Variants in ZSCAN5A observed in about 807,000 individuals in gnomAD.
ZSCAN5A encodes zinc finger and SCAN domain containing 5A.
In ZSCAN5A, 12 loss-of-function variants were observed where a neutral mutation model predicts 23.7. The observed-to-expected ratio is 0.51, with a 90% CI of 0.32 to 0.82. The LOEUF (loss-of-function observed/expected upper bound fraction) is 0.82, where lower values mean the gene tolerates loss of function less well. Ranked by LOEUF, ZSCAN5A falls within the 40% of genes least tolerant of loss-of-function variation. ZSCAN5A has a pLI of 0.03. For synonymous variants in ZSCAN5A, 257 were observed against 239.9 expected (o/e 1.07, Z -0.66); for missense variants, 597 against 617.9 (o/e 0.97, Z 0.36).
At chr19:56,266,719 T>G (rs1010556218) in intron 2 of ZSCAN5A, 1 of 152,238 alleles carries the variant, frequency 6.6e-6, no homozygotes, top group East Asian at 1.9e-4. Flanking sequence ...GACCTCGTGA[T>G]CCACCTGCCT....
At chr19:56,222,828 C>T (rs2033427280) in intron 4 of ZSCAN5A, 87 bp from the exon 5 acceptor site, 1 of 1,580,590 alleles carries the variant, frequency 6.3e-7, no homozygotes, top group African/African-American at 1.4e-5. Flanking sequence ...TTGGATGCAA[C>T]AACTCTTCTA....
chr19:56,344,936 G>GAAA (rs1279523315), intron 2 of ZSCAN5A, among the ~76,000 whole-genome samples: 3 of 91,420 alleles, frequency 3.3e-5, no homozygotes, highest in Non-Finnish European at 6.6e-5. Flanking sequence ...AAAAAAAAAA[G>GAAA]AAAAAAAAGA....
chr19:56,333,774 C>G (rs1199177249), intron 2 of ZSCAN5A, among the ~76,000 whole-genome samples: 1 of 151,846 alleles, frequency 6.6e-6, no homozygotes, highest in Non-Finnish European at 1.5e-5. Context: ...GTCCATAGGG[C>G]TATAAAAGCA....
intron 2 of ZSCAN5A, among the ~76,000 whole-genome samples, chr19:56,355,028 C>T (rs1230932451): frequency 6.6e-6 from 1 of 152,176 alleles, no homozygotes; most frequent in Non-Finnish European, 1.5e-5. Context: ...AGCATCTTAG[C>T]TGTAAACCAG....
chr19:56,277,664 T>C (rs998352439), intron 2 of ZSCAN5A, among the ~76,000 whole-genome samples: 2 of 152,060 alleles, frequency 1.3e-5, no homozygotes, highest in African/African-American at 4.8e-5. Flanking sequence ...AATGGGTGAA[T>C]TGCATGGTAT....
At chr19:56,295,312 G>A (rs2039793108) in intron 2 of ZSCAN5A, among the ~76,000 whole-genome samples, 1 of 152,100 alleles carries the variant, frequency 6.6e-6, no homozygotes, top group African/African-American at 2.4e-5. Context: ...ATGGAAAAAA[G>A]GCCTGGCATG....
intron 2 of ZSCAN5A, among the ~76,000 whole-genome samples, chr19:56,291,465 C>CT (rs2039504926): frequency 6.6e-6 from 1 of 152,140 alleles, no homozygotes; most frequent in Admixed American, 6.5e-5. Context: ...CTTTATTTCT[C>CT]TTTTTTGGGA....
intron 2 of ZSCAN5A, chr19:56,302,159 G>C: frequency 8.5e-7 from 1 of 1,180,164 alleles, no homozygotes; most frequent in Non-Finnish European, 1.1e-6. Flanking sequence ...AGGGAAGTGG[G>C]GGCACAGAGG....
intron 2 of ZSCAN5A, among the ~76,000 whole-genome samples, chr19:56,268,476 A>G (rs1013636385): frequency 6.6e-6 from 1 of 152,180 alleles, no homozygotes; most frequent in Non-Finnish European, 1.5e-5. Context: ...TTTTAAATTT[A>G]GTTACTTTTA....
At chr19:56,262,220 T>C (rs2146869604) in intron 2 of ZSCAN5A, among the ~76,000 whole-genome samples, 1 of 152,234 alleles carries the variant, frequency 6.6e-6, no homozygotes, top group South Asian at 2.1e-4. Flanking sequence ...GGTTTCACCA[T>C]GTTGGCCAGG....
chr19:56,322,269 C>A lies in ZSCAN5A; in HGVS notation c.-357-6001G>T, dbSNP rs537905645. ...CCTAAAACAGTTGCAAGAGCACCTC[C>A]TTCAACAAGAATTGTCCCTTTCACT... On this transcript the variant is annotated intron_variant, in intron 2 of 6. Transcript: ENST00000587340. 11 of 1,142,190 alleles carry A rather than the reference C, an allele frequency of 9.6e-6. No individual in the cohort carries two copies. The African/African-American group carries it at 1.7e-4, about 17-fold the overall frequency. 70.8% of individuals were successfully genotyped at this position (1,142,190 alleles called of 1,614,324 possible).
At chr19:56,324,328 T>C (rs1299563475) in intron 2 of ZSCAN5A, among the ~76,000 whole-genome samples, 1 of 152,344 alleles carries the variant, frequency 6.6e-6, no homozygotes, top group East Asian at 1.9e-4. Flanking sequence ...TGAATAATAT[T>C]CCATTGTGTA....
chr19:56,243,674 GA>G lies in ZSCAN5A; in HGVS notation c.-127-18502del, dbSNP rs74540456. Among the ~76,000 whole-genome samples the G allele has an allele frequency of 6.0e-4, 91 of 150,744 alleles. No individual in the cohort carries two copies. In the East Asian group the frequency reaches 0.017, roughly 27 times the overall value. On this transcript the variant is annotated intron_variant, in intron 2 of 5. Coordinates refer to ENST00000683990, the MANE Select transcript of ZSCAN5A (RefSeq NM_001322064.3). ...AGTTGGGAACCATGTTGTTCCAATT[GA>G]AAAAAAAACTGATTTCACTTCTGCA...
intron 2 of ZSCAN5A, among the ~76,000 whole-genome samples, chr19:56,255,245 A>AT (rs2036615868): frequency 6.6e-6 from 1 of 152,134 alleles, no homozygotes; most frequent in South Asian, 2.1e-4. Flanking sequence ...TAGATAGTCC[A>AT]AAAAATACAC....
intron 2 of ZSCAN5A, among the ~76,000 whole-genome samples, chr19:56,348,969 A>G (rs1163342338): frequency 1.3e-5 from 2 of 152,192 alleles, no homozygotes; most frequent in African/African-American, 4.8e-5. Flanking sequence ...TCTCTAGGGC[A>G]TACTTTTCAG....
In ZSCAN5A at chr19:56,221,419, G is replaced by A; in HGVS notation, c.*156C>T. On this transcript the variant is annotated 3_prime_UTR_variant, in exon 6 of 6. Transcript: ENST00000683990. ...AACAGAAAACAAAGCTCAGTGGGGA[G>A]GACACATATTTACTCAAACATCCTG... 3.8e-6 allele frequency: 3 copies of A among 796,300 alleles called. No homozygotes were observed. Among genetic ancestry groups the A allele is most frequent in the Non-Finnish European group, 3.9e-6 (2 of 516,840 alleles). 49.3% of individuals were successfully genotyped at this position (796,300 alleles called of 1,614,324 possible).
chr19:56,264,681 T>C (rs185337740), intron 2 of ZSCAN5A, among the ~76,000 whole-genome samples: 8 of 152,370 alleles, frequency 5.3e-5, no homozygotes, highest in East Asian at 3.9e-4. Flanking sequence ...GTATTGTCTC[T>C]GGTGGCTTTC....
intron 2 of ZSCAN5A, chr19:56,320,869 C>A (rs2041368383): frequency 3.9e-6 from 3 of 770,386 alleles, no homozygotes; most frequent in Non-Finnish European, 7.3e-6. Flanking sequence ...CCTGGACAAG[C>A]TTCATGTAGA....
At chr19:56,268,249 G>C (rs1236763413) in intron 2 of ZSCAN5A, among the ~76,000 whole-genome samples, 1 of 152,194 alleles carries the variant, frequency 6.6e-6, no homozygotes, top group Non-Finnish European at 1.5e-5. Context: ...CAGAAGCATT[G>C]GTGTGGCTGA....
Sources: gnomAD v4.1 joint callset for allele counts (sites outside exome capture counted in the v4.1 genomes callset) on GRCh38, gnomAD v4.1.1 for gene constraint, MANE v1.5 for transcripts, NCBI Gene and HGNC (gene_info 2026-07-23, HGNC 2026-07-21) for gene names.